The following TBC1D8 variants were observed in gnomAD, a reference collection of about 807,000 sequenced individuals.
The protein encoded by TBC1D8 is BUB2-like protein 1.
A neutral mutation model predicts 118.8 loss-of-function variants in TBC1D8; 65 were observed. The ratio of observed to expected loss-of-function variants is 0.55; its 90% CI spans 0.45 to 0.67. The LOEUF (loss-of-function observed/expected upper bound fraction) is 0.67. Among genes scored for constraint, TBC1D8 ranks in the 30% least tolerant of loss-of-function variants. TBC1D8 has a pLI of 0.00. For missense variants in TBC1D8, 1,376 were observed against 1,471.2 expected, an observed-to-expected ratio of 0.94 and a Z score of 1.06; for synonymous variants, 566 against 595.8, an observed-to-expected ratio of 0.95 and a Z score of 0.73.
In TBC1D8 at chr2:101,036,128, A is replaced by G. The variant is rs374579305; in HGVS notation, c.1493T>C (p.Phe498Ser). 1.2e-6 allele frequency: 2 copies of G among 1,613,862 alleles called. No homozygotes were observed. Among genetic ancestry groups the G allele is most frequent in the African/African-American group, 2.7e-5 (2 of 74,904 alleles). The change falls in exon 9 of 20, where the codon TTT (phenylalanine) becomes TCT (serine). Residue 498 changes from phenylalanine (F) to serine (S), a missense_variant. By Grantham distance (155) the Phe-to-Ser change is radical (BLOSUM62 -2). Transcript: ENST00000409318. ...ACACACGGTTCTGCCGTATTCCACA[A>G]AGTGGTCATTCCACAGGCTTATTTT... is the stretch of plus-strand genomic sequence containing the variant. ...QIKISLWNDH[F>S]VEYGRTVCMF...
At chr2:101,042,748 T>TA (rs71250693) in intron 5 of TBC1D8, among the ~76,000 whole-genome samples, 11,114 of 142,628 alleles carry the variant, frequency 0.078, 515 homozygotes, top group Middle Eastern at 0.12. Flanking sequence ...ATATTAGCTT[T>TA]AAAAAAAAAA....
intron 5 of TBC1D8, among the ~76,000 whole-genome samples, chr2:101,042,180 T>A (rs561337700): frequency 6.3e-4 from 96 of 152,234 alleles, no homozygotes; most frequent in Non-Finnish European, 1.1e-3. Flanking sequence ...AGAATGTTGA[T>A]GAGGAGGAAA....
At chr2:101,061,914 C>T (rs925280293) in intron 2 of TBC1D8, among the ~76,000 whole-genome samples, 1 of 152,256 alleles carries the variant, frequency 6.6e-6, no homozygotes, top group Non-Finnish European at 1.5e-5. Flanking sequence ...CCCAGCATGA[C>T]TCTCTTGAAG....
chr2:101,045,745 G>C (rs1681660362), intron 5 of TBC1D8, among the ~76,000 whole-genome samples: 1 of 152,168 alleles, frequency 6.6e-6, no homozygotes, highest in Admixed American at 6.5e-5. Flanking sequence ...TGTCATCCCA[G>C]CGCTTTGGGA....
At position 101,007,853 on chromosome 2, in the gene TBC1D8, A is replaced by T. The variant is rs756351350; in HGVS notation, c.3436T>A (p.Ser1146Thr). Reference sequence around the variant, plus strand: ...TTACTCAGCTTAAGTTCAGATTGTGATTGGTGGCTCATTTCAAAAGTTTTG... The same window carrying T: ...TTACTCAGCTTAAGTTCAGATTGTGTTTGGTGGCTCATTTCAAAAGTTTTG... Reference protein sequence around the residue: ...NLKTFEMSHQSQSELKLSNL With the variant: ...NLKTFEMSHQTQSELKLSNL Residue 1146 changes from serine to threonine, a missense_variant, in exon 20 of 20, where the codon TCA (serine) becomes ACA (threonine). Transcript: ENST00000409318. 6.2e-7 allele frequency: 1 copy of T among 1,612,950 alleles called. No individual in the cohort carries two copies. The highest frequency in any genetic ancestry group is 1.1e-5 in the South Asian group (1 of 91,074).
chr2:101,090,947 G>A (rs1675995835), intron 1 of TBC1D8, among the ~76,000 whole-genome samples: 1 of 152,140 alleles, frequency 6.6e-6, no homozygotes, highest in African/African-American at 2.4e-5. Context: ...TCTCCAATAT[G>A]GTAGAATAAT....
chr2:101,115,371 T>G (rs1049173617), intron 1 of TBC1D8, among the ~76,000 whole-genome samples: 1 of 152,226 alleles, frequency 6.6e-6, no homozygotes, highest in African/African-American at 2.4e-5. Flanking sequence ...GGACGTCTCT[T>G]TATTAGCAGG....
At chr2:101,008,583 G>A (rs1573844380) in intron 19 of TBC1D8, among the ~76,000 whole-genome samples, 1 of 152,130 alleles carries the variant, frequency 6.6e-6, no homozygotes, top group East Asian at 1.9e-4. Flanking sequence ...GGGAGGCCGA[G>A]GCAGGCGGAT....
At position 101,116,643 on chromosome 2, in the gene TBC1D8, A is replaced by T. The variant is rs1677831701; in HGVS notation, c.128-26279T>A. ...CAGTTAATATTAATTAAAAGTAGTG[A>T]ATTTTTTTTTTTTTTGAGACAGAGT... On this transcript the variant is annotated intron_variant, in intron 1 of 19. Coordinates refer to ENST00000409318, the MANE Select transcript of TBC1D8 (RefSeq NM_001330348.2). Among the ~76,000 whole-genome samples the T allele has an allele frequency of 2.0e-5, 3 of 150,822 alleles. No homozygotes were observed. The South Asian group carries it at 6.3e-4, about 31-fold the overall frequency.
At chr2:101,118,163 C>G (rs1677916637) in intron 1 of TBC1D8, among the ~76,000 whole-genome samples, 1 of 152,094 alleles carries the variant, frequency 6.6e-6, no homozygotes, top group Admixed American at 6.5e-5. Context: ...CGCCATGTAC[C>G]CTAGGTCCTA....
At chr2:101,112,552 T>G (rs1677653487) in intron 1 of TBC1D8, among the ~76,000 whole-genome samples, 2 of 152,218 alleles carry the variant, frequency 1.3e-5, no homozygotes, top group African/African-American at 4.8e-5. Flanking sequence ...AGGGTTAGAC[T>G]GGAACAGCCT....
At chr2:101,018,301 A>C (rs1679804391) in intron 17 of TBC1D8, 2 of 169,524 alleles carry the variant, frequency 1.2e-5, no homozygotes, top group Non-Finnish European at 1.3e-5. Context: ...TGTTAATATA[A>C]TGTCATGTGC....
At chr2:101,017,994 C>A in intron 17 of TBC1D8, 1 of 1,452,922 alleles carries the variant, frequency 6.9e-7, no homozygotes, top group Non-Finnish European at 9.4e-7. Flanking sequence ...TTCCAATGCT[C>A]GCAATTCTAC....
intron 15 of TBC1D8, among the ~76,000 whole-genome samples, chr2:101,024,226 A>G (rs754810243): frequency 1.2e-3 from 186 of 152,232 alleles, no homozygotes; most frequent in Non-Finnish European, 1.8e-3. Context: ...GTAGAGAACT[A>G]GCCAATAAAC....
intron 2 of TBC1D8, among the ~76,000 whole-genome samples, chr2:101,078,288 T>C (rs1036343129): frequency 3.3e-5 from 5 of 152,200 alleles, no homozygotes; most frequent in Non-Finnish European, 7.3e-5. Flanking sequence ...AATGAACACA[T>C]TGGACAGTCA....
intron 1 of TBC1D8, among the ~76,000 whole-genome samples, chr2:101,136,867 C>T (rs1288110385): frequency 7.9e-5 from 12 of 152,122 alleles, no homozygotes; most frequent in Non-Finnish European, 1.5e-4. Context: ...ATACTCAGAA[C>T]CCATTTAACT....
At chr2:101,139,860 C>T (rs1042783932) in intron 1 of TBC1D8, among the ~76,000 whole-genome samples, 1 of 152,170 alleles carries the variant, frequency 6.6e-6, no homozygotes, top group Non-Finnish European at 1.5e-5. Context: ...CATCCCCTGG[C>T]ACTCACCACC....
chr2:101,119,011 GC>G (rs541543819), intron 1 of TBC1D8, among the ~76,000 whole-genome samples: 1 of 151,654 alleles, frequency 6.6e-6, no homozygotes, highest in African/African-American at 2.4e-5. Context: ...CCCTGTCTCT[GC>G]CCCCCCAAAA....
chr2:101,133,028 C>T (rs376782347), intron 1 of TBC1D8, among the ~76,000 whole-genome samples: 6 of 151,338 alleles, frequency 4.0e-5, no homozygotes, highest in Admixed American at 1.3e-4. Flanking sequence ...GGCGTGGTGG[C>T]GGGCGCCTGT....
Sources: gnomAD v4.1 joint callset for allele counts (sites outside exome capture counted in the v4.1 genomes callset) on GRCh38, gnomAD v4.1.1 for gene constraint, MANE v1.5 for transcripts, NCBI Gene and HGNC (gene_info 2026-07-23, HGNC 2026-07-21) for gene names.